The following SYN3 variants were observed in gnomAD, a reference collection of about 807,000 sequenced individuals.
SYN3 encodes synapsin-3.
A neutral mutation model predicts 65.8 loss-of-function variants in SYN3; 35 were observed. The ratio of observed to expected loss-of-function variants is 0.53; its 90% confidence interval spans 0.41 to 0.70. The LOEUF (loss-of-function observed/expected upper bound fraction) is 0.70. Among genes scored for constraint, SYN3 ranks in the 30% least tolerant of loss-of-function variants. The pLI, the probability that SYN3 is intolerant of heterozygous loss-of-function variation, is 0.00. For missense variants in SYN3, 680 were observed against 749.0 expected (o/e 0.91, Z 1.08); for synonymous variants, 270 against 292.9 (o/e 0.92, Z 0.80).
intron 7 of SYN3, among the ~76,000 whole-genome samples, chr22:32,553,233 A>G (rs1316964088): frequency 6.6e-6 from 1 of 152,266 alleles, no homozygotes; most frequent in African/African-American, 2.4e-5. Flanking sequence ...AGTCCAGAGC[A>G]TCTCATGTCC....
At chr22:32,981,147 G>A (rs2145654402) in intron 2 of SYN3, among the ~76,000 whole-genome samples, 1 of 151,084 alleles carries the variant, frequency 6.6e-6, no homozygotes, top group East Asian at 2.0e-4. Context: ...GAGCCACCGC[G>A]CCTGGCCGAT....
intron 12 of SYN3, among the ~76,000 whole-genome samples, chr22:32,527,188 C>G (rs757191697): frequency 6.6e-6 from 1 of 152,188 alleles, no homozygotes; most frequent in South Asian, 2.1e-4. Context: ...TCTAGCTGGT[C>G]GACTCACAAA....
At chr22:33,032,955 C>A (rs150871787) in intron 1 of SYN3, among the ~76,000 whole-genome samples, 1 of 152,222 alleles carries the variant, frequency 6.6e-6, no homozygotes, top group East Asian at 1.9e-4. Flanking sequence ...CTCAGGCACA[C>A]GTTCTCAGGG....
chr22:32,641,015 C>T (rs2059889609), intron 6 of SYN3, among the ~76,000 whole-genome samples: 1 of 152,222 alleles, frequency 6.6e-6, no homozygotes, highest in Non-Finnish European at 1.5e-5. Context: ...TGTGCCTGGG[C>T]ATTCGCCCAG....
chr22:32,774,618 T>C (rs2045863301), intron 6 of SYN3, among the ~76,000 whole-genome samples: 2 of 151,526 alleles, frequency 1.3e-5, no homozygotes, highest in African/African-American at 2.4e-5. Flanking sequence ...CTTTTCCCGA[T>C]ATGGAGTTTT....
At chr22:32,753,080 C>A (rs567217764) in intron 6 of SYN3, among the ~76,000 whole-genome samples, 1 of 152,224 alleles carries the variant, frequency 6.6e-6, no homozygotes, top group Non-Finnish European at 1.5e-5. Context: ...CAAGAAGAGC[C>A]CCTCGGGGCC....
At chr22:32,811,666 G>A (rs532172122) in intron 6 of SYN3, among the ~76,000 whole-genome samples, 7 of 152,216 alleles carry the variant, frequency 4.6e-5, no homozygotes, top group East Asian at 1.9e-4. Flanking sequence ...TGACAACTTC[G>A]CAACGAGGAA....
At chr22:32,634,034 T>G (rs899699724) in intron 6 of SYN3, among the ~76,000 whole-genome samples, 1 of 152,154 alleles carries the variant, frequency 6.6e-6, no homozygotes, top group Admixed American at 6.5e-5. Flanking sequence ...AGAGGGCTCT[T>G]GGAGGGAAGT....
chr22:32,519,992 ACCC>A, intron 12 of SYN3, among the ~76,000 whole-genome samples: 2 of 151,744 alleles, frequency 1.3e-5, no homozygotes. Flanking sequence ...TTCATCCCCT[ACCC>A]CCAGCCATGG....
intron 6 of SYN3, among the ~76,000 whole-genome samples, chr22:32,695,552 G>A (rs1334149973): frequency 6.6e-6 from 1 of 152,176 alleles, no homozygotes; most frequent in African/African-American, 2.4e-5. Context: ...CCATGAGTAT[G>A]AGGTCAGTGT....
At position 32,801,991 on chromosome 22, in the gene SYN3, C is replaced by A. The variant is rs1359655536; in HGVS notation, c.711+62924G>T. The A allele has an allele frequency of 3.8e-6, 6 of 1,582,988 alleles. No homozygotes were observed. The highest frequency in any genetic ancestry group is 4.3e-6 in the Non-Finnish European group (5 of 1,171,422). ...CGAGCAGCAGCCCCGGCAGCGGCGG[C>A]AGCAGCGGCAATGACCCCTTGGCTC... On this transcript the variant is annotated intron_variant, in intron 6 of 13. Transcript: ENST00000358763. The surrounding 1 kb of genome is among the most constrained non-coding windows in gnomAD (Gnocchi z 4.7).
chr22:32,524,290 T>G (rs1394015137), intron 12 of SYN3, among the ~76,000 whole-genome samples: 3 of 152,204 alleles, frequency 2.0e-5, no homozygotes, highest in African/African-American at 7.2e-5. Context: ...CTTTCATAGC[T>G]AAAGAGGAGA....
rs2057648298 is a variant in SYN3, at chr22:32,507,918, C to T, written c.*5774G>A. 6.6e-6 allele frequency among the ~76,000 whole-genome samples: 1 copy of T among 152,130 alleles called. No homozygotes were observed. The highest frequency in any genetic ancestry group is 1.5e-5 in the Non-Finnish European group (1 of 68,028). On this transcript the variant is annotated 3_prime_UTR_variant, in exon 14 of 14. Transcript: ENST00000358763. Reference sequence around the variant, plus strand: ...CCTCCCTTCAGCTTAATCTCTCCCACTCTAGGTTCCCACGCCGCCCCTAAT... The same window carrying T: ...CCTCCCTTCAGCTTAATCTCTCCCATTCTAGGTTCCCACGCCGCCCCTAAT...
chr22:32,799,028 C>T (rs1030794801), intron 6 of SYN3, among the ~76,000 whole-genome samples: 7 of 152,164 alleles, frequency 4.6e-5, no homozygotes, highest in African/African-American at 1.4e-4. Context: ...AGGTTCACCC[C>T]ACCTAGCTTA....
At chr22:32,779,620 C>T (rs1602127770) in intron 6 of SYN3, among the ~76,000 whole-genome samples, 1 of 152,170 alleles carries the variant, frequency 6.6e-6, no homozygotes, top group East Asian at 1.9e-4. Context: ...AGAGAGGAAA[C>T]CTTGGCTCTG....
intron 1 of SYN3, among the ~76,000 whole-genome samples, chr22:33,048,478 G>C (rs1489088881): frequency 2.0e-5 from 3 of 152,148 alleles, no homozygotes; most frequent in Non-Finnish European, 4.4e-5. Context: ...TTTGGTGATG[G>C]GGGTGGATCC....
At chr22:32,560,755 T>G (rs2146350278) in intron 7 of SYN3, among the ~76,000 whole-genome samples, 1 of 152,224 alleles carries the variant, frequency 6.6e-6, no homozygotes, top group South Asian at 2.1e-4. Context: ...GGGGATCACA[T>G]GATCTGACTT....
chr22:32,537,222 C>T (rs2058180760), intron 9 of SYN3, among the ~76,000 whole-genome samples: 2 of 151,894 alleles, frequency 1.3e-5, no homozygotes, highest in Non-Finnish European at 2.9e-5. Flanking sequence ...TTCAATGGCA[C>T]GATCTCAGCT....
chr22:32,768,036 T>C (rs1472480748), intron 6 of SYN3, among the ~76,000 whole-genome samples: 4 of 151,860 alleles, frequency 2.6e-5, no homozygotes, highest in Non-Finnish European at 4.4e-5. Context: ...TCTTCTATTA[T>C]ATCTTTAAAA....
Sources: gnomAD v4.1 joint callset for allele counts (sites outside exome capture counted in the v4.1 genomes callset) on GRCh38, gnomAD v4.1.1 for gene constraint, Gnocchi (gnomAD v3.1) non-coding constraint, MANE v1.5 for transcripts, NCBI Gene and HGNC (gene_info 2026-07-23, HGNC 2026-07-21) for gene names.